Variants in DCC observed in about 807,000 individuals in gnomAD.
DCC encodes DCC netrin 1 receptor.
A neutral mutation model predicts 172.5 loss-of-function variants in DCC; 58 were observed. The ratio of observed to expected loss-of-function variants is 0.34; its 90% CI spans 0.27 to 0.42. The LOEUF (loss-of-function observed/expected upper bound fraction) is 0.42. DCC is among the 10% of genes least tolerant of loss of function. The pLI is 1.00. For missense variants in DCC, 1,740 were observed against 1,791.0 expected, an observed-to-expected ratio of 0.97 and a Z score of 0.51; for synonymous variants, 709 against 644.5, an observed-to-expected ratio of 1.10 and a Z score of -1.52.
chr18:52,949,782 A>G (rs2040606502), intron 5 of DCC, among the ~76,000 whole-genome samples: 1 of 152,206 alleles, frequency 6.6e-6, no homozygotes, highest in Admixed American at 6.5e-5. Flanking sequence ...GTGATAATAT[A>G]TTTTGCCTGT....
chr18:52,857,264 A>G (rs8093802), intron 2 of DCC, among the ~76,000 whole-genome samples: 7,505 of 152,288 alleles, frequency 0.049, 636 homozygotes, highest in African/African-American at 0.17. Flanking sequence ...TTTGGGTAAC[A>G]TTTTGCTATC....
intron 23 of DCC, among the ~76,000 whole-genome samples, chr18:53,456,569 A>C (rs550147807): frequency 6.6e-6 from 1 of 152,308 alleles, no homozygotes; most frequent in African/African-American, 2.4e-5. Context: ...GTGCTTCTTA[A>C]ATTTTAGACA....
intron 1 of DCC, among the ~76,000 whole-genome samples, chr18:52,505,716 T>C (rs3919793): frequency 0.065 from 9,955 of 152,242 alleles, 382 homozygotes; most frequent in Middle Eastern, 0.11. Flanking sequence ...CTATTTTGCC[T>C]ATCTTGTGGA....
intron 1 of DCC, among the ~76,000 whole-genome samples, chr18:52,426,209 C>T (rs1987419250): frequency 6.6e-6 from 1 of 151,992 alleles, no homozygotes; most frequent in South Asian, 2.1e-4. Flanking sequence ...TGTCCTCCAC[C>T]CTATCATCTC....
At chr18:53,040,530 C>A (rs1397981298) in intron 5 of DCC, among the ~76,000 whole-genome samples, 1 of 151,930 alleles carries the variant, frequency 6.6e-6, no homozygotes, top group Non-Finnish European at 1.5e-5. Flanking sequence ...ACACGCCAAG[C>A]AAGTCTGTTG....
intron 12 of DCC, among the ~76,000 whole-genome samples, chr18:53,276,570 T>G (rs2056808648): frequency 6.6e-6 from 1 of 152,110 alleles, no homozygotes; most frequent in Non-Finnish European, 1.5e-5. Flanking sequence ...CATAAAATCA[T>G]GGGCTAGCTG....
intron 5 of DCC, among the ~76,000 whole-genome samples, chr18:53,062,746 A>G (rs1014017313): frequency 2.6e-5 from 4 of 152,170 alleles, no homozygotes; most frequent in Non-Finnish European, 2.9e-5. Context: ...GTAATACACT[A>G]CAGTAGATAA....
chr18:52,559,909 T>G (rs1254967010), intron 1 of DCC, among the ~76,000 whole-genome samples: 1 of 152,202 alleles, frequency 6.6e-6, no homozygotes. Flanking sequence ...CATTTATTAT[T>G]TCCTCGGAGT....
chr18:52,819,616 C>G (rs1045956184), intron 2 of DCC, among the ~76,000 whole-genome samples: 2 of 152,080 alleles, frequency 1.3e-5, no homozygotes, highest in Admixed American at 1.3e-4. Context: ...TTATTAATCT[C>G]TTATAATCCA....
At chr18:53,293,894 A>G (rs761613802) in intron 12 of DCC, among the ~76,000 whole-genome samples, 11 of 152,140 alleles carry the variant, frequency 7.2e-5, no homozygotes, top group Non-Finnish European at 1.5e-4. Context: ...CTCTCAAATT[A>G]TTAGTCTCCA....
intron 1 of DCC, among the ~76,000 whole-genome samples, chr18:52,593,822 C>T (rs1323785601): frequency 6.6e-6 from 1 of 152,134 alleles, no homozygotes; most frequent in Admixed American, 6.6e-5. Context: ...GGCAATTGTC[C>T]CCTGAGGGGC....
intron 3 of DCC, among the ~76,000 whole-genome samples, chr18:52,919,534 T>C (rs1222362838): frequency 6.6e-6 from 1 of 152,104 alleles, no homozygotes; most frequent in Non-Finnish European, 1.5e-5. Flanking sequence ...CCAATGCCTA[T>C]GAAGCTACGA....
intron 1 of DCC, among the ~76,000 whole-genome samples, chr18:52,579,500 T>A (rs1468319987): frequency 6.6e-6 from 1 of 152,326 alleles, no homozygotes; most frequent in African/African-American, 2.4e-5. Flanking sequence ...ATAATAGTGA[T>A]AAATCTTTTA....
chr18:53,410,110 T>C (rs1471230987), intron 19 of DCC, among the ~76,000 whole-genome samples: 1 of 152,202 alleles, frequency 6.6e-6, no homozygotes, highest in African/African-American at 2.4e-5. Context: ...ACAGGGAAAA[T>C]TATACAGACT....
intron 14 of DCC, among the ~76,000 whole-genome samples, chr18:53,337,526 A>C (rs1025012164): frequency 5.3e-5 from 8 of 152,202 alleles, no homozygotes; most frequent in African/African-American, 1.9e-4. Flanking sequence ...TCTGCTGTTA[A>C]GGCTTATATC....
chr18:53,492,575 T>C (rs1285090051), intron 26 of DCC, among the ~76,000 whole-genome samples: 2 of 152,194 alleles, frequency 1.3e-5, no homozygotes, highest in African/African-American at 4.8e-5. Context: ...CCTTTCCCCA[T>C]TGCCTGTTTT....
intron 1 of DCC, among the ~76,000 whole-genome samples, chr18:52,548,593 A>T (rs2032679078): frequency 1.3e-5 from 2 of 152,154 alleles, no homozygotes; most frequent in African/African-American, 4.8e-5. Context: ...CTAGAAAGAG[A>T]GAGCAGATAA....
At chr18:52,798,413 A>T (rs1479755968) in intron 2 of DCC, among the ~76,000 whole-genome samples, 1 of 152,192 alleles carries the variant, frequency 6.6e-6, no homozygotes, top group Non-Finnish European at 1.5e-5. Context: ...TTTGTTGCTC[A>T]GGCTGCCCTC....
chr18:53,370,861 G>T (rs1439040672), intron 15 of DCC, among the ~76,000 whole-genome samples: 1 of 151,700 alleles, frequency 6.6e-6, no homozygotes, highest in Admixed American at 6.6e-5. Flanking sequence ...TAGTTGGTTT[G>T]TTTTGTTAAG....
Sources: allele counts gnomAD v4.1 joint callset (sites outside exome capture counted in the v4.1 genomes callset), GRCh38; gene constraint gnomAD v4.1.1; transcripts MANE v1.5; gene names NCBI Gene and HGNC (gene_info 2026-07-23, HGNC 2026-07-21).